The following SFMBT2 variants were observed in gnomAD, a reference collection of about 807,000 sequenced individuals.
The protein encoded by SFMBT2 is Scm like with four mbt domains 2, also known as scm-like with four MBT domains protein 2.
A neutral mutation model predicts 110.1 loss-of-function variants in SFMBT2; 38 were observed. That is an observed-to-expected ratio of 0.35 (90% CI 0.27 to 0.45). The LOEUF is 0.45. SFMBT2 is among the 20% of genes least tolerant of loss of function. The probability of loss-of-function intolerance (pLI) is 1.00; values close to 1 mark genes in which losing one functional copy is unlikely to be tolerated. For synonymous variants in SFMBT2, 425 were observed against 425.4 expected (o/e 1.00, Z 0.01); for missense variants, 1,011 against 1,094.9 (o/e 0.92, Z 1.08).
At chr10:7,197,783 G>T in intron 14 of SFMBT2, 96 bp from the exon 15 acceptor site, 1 of 1,494,370 alleles carries the variant, frequency 6.7e-7, no homozygotes, top group Admixed American at 2.2e-5. Context: ...TCAGGGAAAA[G>T]GACCACACAG....
intron 4 of SFMBT2, among the ~76,000 whole-genome samples, chr10:7,333,803 A>C (rs1429452655): frequency 4.0e-4 from 30 of 75,190 alleles, no homozygotes; most frequent in Admixed American, 8.0e-4. Context: ...TCTCTCCCCC[A>C]CTCCCGCTTT....
At chr10:7,400,629 T>C (rs1846052577) in intron 1 of SFMBT2, among the ~76,000 whole-genome samples, 1 of 152,254 alleles carries the variant, frequency 6.6e-6, no homozygotes, top group Admixed American at 6.5e-5. Context: ...TCCCAGGCTC[T>C]TGAAAGCTGT....
intron 11 of SFMBT2, among the ~76,000 whole-genome samples, chr10:7,207,978 T>C (rs1357071363): frequency 6.6e-6 from 1 of 152,262 alleles, no homozygotes; most frequent in African/African-American, 2.4e-5. Flanking sequence ...ATTTAAAGAA[T>C]ATAGAATTTA....
chr10:7,297,709 T>TTA (rs894538229), intron 4 of SFMBT2, among the ~76,000 whole-genome samples: 2 of 152,190 alleles, frequency 1.3e-5, no homozygotes, highest in African/African-American at 4.8e-5. Context: ...AGCTAAACAG[T>TTA]TATCAAAGTC....
intron 15 of SFMBT2, among the ~76,000 whole-genome samples, chr10:7,191,230 G>A (rs1172082156): frequency 3.3e-5 from 5 of 152,168 alleles, no homozygotes; most frequent in East Asian, 1.9e-4. Flanking sequence ...ACTCAACAGC[G>A]CCTTTTCCTC....
At chr10:7,385,906 A>C (rs190085464) in intron 1 of SFMBT2, among the ~76,000 whole-genome samples, 465 of 152,292 alleles carry the variant, frequency 3.1e-3, no homozygotes, top group Admixed American at 0.016. Context: ...AGACTGAGGC[A>C]GGAGAATGGC....
intron 4 of SFMBT2, among the ~76,000 whole-genome samples, chr10:7,328,246 T>G (rs1389238021): frequency 6.6e-6 from 1 of 152,270 alleles, no homozygotes; most frequent in African/African-American, 2.4e-5. Context: ...TTGCATCTGC[T>G]TATTTGCCAT....
rs1842549139 is a variant in SFMBT2 at position 7,301,279 on chromosome 10, CTAG to C, written c.437-15328_437-15326del. ...GTCATGTGCAAATCAGCGTGAGACA[CTAG>C]TAACTAGCAAGACACTATGGACTAG... On this transcript the variant is annotated intron_variant, in intron 4 of 20. Transcript: ENST00000397167. The surrounding 1 kb of genome is among the most constrained non-coding windows in gnomAD (Gnocchi z 4.2). Among the ~76,000 whole-genome samples, 1 of 152,202 alleles carries C rather than the reference CTAG, an allele frequency of 6.6e-6. No individual in the cohort carries two copies. The highest frequency in any genetic ancestry group is 2.1e-4 in the South Asian group (1 of 4,828).
intron 4 of SFMBT2, among the ~76,000 whole-genome samples, chr10:7,290,028 A>G (rs183510537): frequency 3.9e-5 from 6 of 152,186 alleles, no homozygotes; most frequent in Non-Finnish European, 8.8e-5. Flanking sequence ...CTTGTCTATG[A>G]TCATTATCTT....
chr10:7,267,327 C>CT (rs568671801), intron 7 of SFMBT2, among the ~76,000 whole-genome samples: 396 of 152,308 alleles, frequency 2.6e-3, no homozygotes, highest in South Asian at 7.7e-3. Context: ...CTTCTGAATC[C>CT]TGTGAGTCCT....
rs1184573031 is a variant in SFMBT2, at chr10:7,161,806, CA to C, written c.*1963del. The C allele has an allele frequency of 6.6e-6, 1 of 152,194 alleles. No individual in the cohort carries two copies. Among genetic ancestry groups the C allele is most frequent in the African/African-American group, 2.4e-5 (1 of 41,436 alleles). The allele number at this position is 152,194 out of a possible 1,614,324, so 9.4% of individuals were successfully genotyped here. ...GGTGAGCTTGAGCAATCAAAGTTTC[CA>C]AAATCCCACTGAGAATCATATCTGG... On this transcript the variant is annotated 3_prime_UTR_variant, in exon 21 of 21. Coordinates refer to ENST00000397167, the MANE Select transcript of SFMBT2 (RefSeq NM_001387889.1).
chr10:7,307,924 C>T (rs1046494384), intron 4 of SFMBT2, among the ~76,000 whole-genome samples: 2 of 152,206 alleles, frequency 1.3e-5, no homozygotes, highest in Non-Finnish European at 2.9e-5. Context: ...TATCACATAT[C>T]TGTTCCTGAA....
intron 1 of SFMBT2, among the ~76,000 whole-genome samples, chr10:7,410,128 GAAT>G (rs1846333205): frequency 1.3e-5 from 2 of 152,172 alleles, no homozygotes; most frequent in African/African-American, 4.8e-5. Context: ...AAAGGGGGTC[GAAT>G]AAGAGGAGAC....
Position 7,225,504 on chromosome 10 carries a change from A to G in SFMBT2, c.1203+2351T>C, listed in dbSNP as rs547704936. Among the ~76,000 whole-genome samples, 3 of 152,342 alleles carry G rather than the reference A, an allele frequency of 2.0e-5. No individual in the cohort carries two copies. In the East Asian group the frequency reaches 5.8e-4, roughly 29 times the overall value. ...GATGCATACGTCAACAATCCTATCT[A>G]TTACATAAACGGAGTGCCAGAAACA... is the stretch of plus-strand genomic sequence containing the variant. On this transcript the variant is annotated intron_variant, in intron 10 of 20. Transcript: ENST00000397167.
At chr10:7,196,031 A>G (rs117637081) in intron 15 of SFMBT2, among the ~76,000 whole-genome samples, 1 of 152,196 alleles carries the variant, frequency 6.6e-6, no homozygotes, top group South Asian at 2.1e-4. Context: ...ATGACCAGGA[A>G]GAGAAAATGC....
At chr10:7,249,382 A>C in intron 7 of SFMBT2, 1 of 320,444 alleles carries the variant, frequency 3.1e-6, no homozygotes, top group Non-Finnish European at 4.5e-6. Context: ...ACACAGCAAT[A>C]GAGGAGGTTG....
chr10:7,225,350 G>A (rs1229338697), intron 10 of SFMBT2, among the ~76,000 whole-genome samples: 1 of 152,140 alleles, frequency 6.6e-6, no homozygotes, highest in Non-Finnish European at 1.5e-5. Flanking sequence ...TGTCTTCCAT[G>A]CATCCAATTC....
At chr10:7,202,651 C>A in intron 12 of SFMBT2, 129 bp from the exon 13 acceptor site, 1 of 1,539,766 alleles carries the variant, frequency 6.5e-7, no homozygotes. Context: ...AAAGTTACGT[C>A]ATTCATGCCA....
chr10:7,329,265 C>T (rs752233134), intron 4 of SFMBT2, among the ~76,000 whole-genome samples: 11 of 152,154 alleles, frequency 7.2e-5, no homozygotes, highest in Admixed American at 1.3e-4. Flanking sequence ...ATGTCAATGA[C>T]GCCTGGCGTG....
Sources: gnomAD v4.1 joint callset for allele counts (sites outside exome capture counted in the v4.1 genomes callset) on GRCh38, gnomAD v4.1.1 for gene constraint, Gnocchi (gnomAD v3.1) non-coding constraint, MANE v1.5 for transcripts, NCBI Gene and HGNC (gene_info 2026-07-23, HGNC 2026-07-21) for gene names.